GRM1: variants seen among roughly 807,000 people sequenced by gnomAD.
GRM1 encodes the protein metabotropic glutamate receptor 1.
A neutral mutation model predicts 90.9 loss-of-function variants in GRM1; 33 were observed. The observed-to-expected ratio is 0.36, with a 90% CI of 0.28 to 0.49. GRM1 has a LOEUF of 0.49. GRM1 is among the 20% of genes least tolerant of loss of function. The probability of loss-of-function intolerance (pLI) is 0.99; values close to 1 mark genes in which losing one functional copy is unlikely to be tolerated. For synonymous variants in GRM1, 700 were observed against 613.2 expected (o/e 1.14, Z -2.09); for missense variants, 1,190 against 1,534.3 (o/e 0.78, Z 3.75).
chr6:146,178,450 G>A (rs902066710), intron 2 of GRM1, among the ~76,000 whole-genome samples: 21 of 152,074 alleles, frequency 1.4e-4, no homozygotes, highest in African/African-American at 4.3e-4. Context: ...AAATATCTTG[G>A]GGATGGGACC....
intron 1 of GRM1, among the ~76,000 whole-genome samples, chr6:146,123,611 A>G (rs1776086862): frequency 6.6e-6 from 1 of 152,196 alleles, no homozygotes; most frequent in South Asian, 2.1e-4. Flanking sequence ...GCAGCTCACC[A>G]TCCAATACCC....
chr6:146,148,438 T>C (rs1178134847), intron 1 of GRM1, among the ~76,000 whole-genome samples: 1 of 152,166 alleles, frequency 6.6e-6, no homozygotes, highest in African/African-American at 2.4e-5. Flanking sequence ...TTTTAAACCA[T>C]GCTGACATTT....
chr6:146,413,120 A>C (rs1377696575), intron 7 of GRM1, among the ~76,000 whole-genome samples: 2 of 152,138 alleles, frequency 1.3e-5, no homozygotes, highest in Non-Finnish European at 2.9e-5. Context: ...TTTTGTCTAC[A>C]ATCTTTATCT....
intron 2 of GRM1, among the ~76,000 whole-genome samples, chr6:146,250,130 A>G (rs1319819623): frequency 6.6e-6 from 1 of 152,128 alleles, no homozygotes; most frequent in Non-Finnish European, 1.5e-5. Context: ...GCATAGGTGG[A>G]AGGGGCCTTG....
In GRM1 at chr6:146,227,340, T is replaced by A. The variant is rs1337517434; in HGVS notation, c.950+67743T>A. ...TACATTGACACATCATCACCTTAAG[T>A]CTGTAATTTACATTAGGGTTCACTC... On this transcript the variant is annotated intron_variant, in intron 2 of 7. Transcript: ENST00000282753. Among the ~76,000 whole-genome samples the A allele has an allele frequency of 4.6e-5, 7 of 152,242 alleles. No homozygotes were observed. The East Asian group carries it at 1.4e-3, about 29-fold the overall frequency.
At chr6:146,114,750 A>G (rs752791194) in intron 1 of GRM1, among the ~76,000 whole-genome samples, 1 of 152,166 alleles carries the variant, frequency 6.6e-6, no homozygotes, top group Non-Finnish European at 1.5e-5. Context: ...TGATGGGGTT[A>G]TTCATTTATT....
At chr6:146,184,478 G>A (rs1778652464) in intron 2 of GRM1, among the ~76,000 whole-genome samples, 1 of 151,834 alleles carries the variant, frequency 6.6e-6, no homozygotes, top group Non-Finnish European at 1.5e-5. Context: ...TGGGCCTCAT[G>A]GACTGCTGTG....
intron 3 of GRM1, among the ~76,000 whole-genome samples, chr6:146,343,658 TTTA>T (rs58070198): frequency 2.7e-4 from 40 of 148,426 alleles, no homozygotes; most frequent in East Asian, 7.8e-4. Context: ...GTTGTTTTTA[TTTA>T]TTATTATTAT....
chr6:146,152,758 G>A (rs563289742), intron 1 of GRM1, among the ~76,000 whole-genome samples: 1 of 152,316 alleles, frequency 6.6e-6, no homozygotes, highest in Middle Eastern at 3.4e-3. Context: ...TTAAAGGGCA[G>A]AGCACAGGGA....
At chr6:146,229,425 G>A (rs1476744521) in intron 2 of GRM1, among the ~76,000 whole-genome samples, 2 of 149,558 alleles carry the variant, frequency 1.3e-5, no homozygotes, top group Non-Finnish European at 1.5e-5. Flanking sequence ...CATAGGGACC[G>A]GAAGGAGCCT....
chr6:146,045,749 CAAAAAAAAAA>C (rs58055832), intron 1 of GRM1, among the ~76,000 whole-genome samples: 18 of 87,406 alleles, frequency 2.1e-4, no homozygotes, highest in East Asian at 1.5e-3. Flanking sequence ...TGGAATACAG[CAAAAAAAAAA>C]AAAAAAAAAA....
intron 3 of GRM1, among the ~76,000 whole-genome samples, chr6:146,309,603 C>T (rs979026144): frequency 1.3e-5 from 2 of 151,780 alleles, no homozygotes; most frequent in South Asian, 2.1e-4. Context: ...TTATAACCAC[C>T]ATTTTAAAAG....
intron 3 of GRM1, among the ~76,000 whole-genome samples, chr6:146,346,407 A>G (rs774783468): frequency 6.6e-6 from 1 of 152,240 alleles, no homozygotes; most frequent in Non-Finnish European, 1.5e-5. Flanking sequence ...TCTATCCTAC[A>G]TAGCAGTTAA....
chr6:146,397,495 A>AAAAAAAAAAAAAAAAAAAC (rs1777006339), intron 6 of GRM1, among the ~76,000 whole-genome samples: 1 of 150,914 alleles, frequency 6.6e-6, no homozygotes. Flanking sequence ...AAAAAAAAAA[A>AAAAAAAAAAAAAAAAAAAC]AAAAAAAAAA....
chr6:146,401,196 A>G (rs1777146218), intron 7 of GRM1, among the ~76,000 whole-genome samples: 1 of 152,176 alleles, frequency 6.6e-6, no homozygotes, highest in African/African-American at 2.4e-5. Flanking sequence ...TATGGATTTC[A>G]AGTAAAGACA....
At chr6:146,385,215 A>G (rs1380480123) in intron 5 of GRM1, among the ~76,000 whole-genome samples, 1 of 152,066 alleles carries the variant, frequency 6.6e-6, no homozygotes, top group African/African-American at 2.4e-5. Context: ...ACCAGTGATA[A>G]AAAATTAATA....
intron 1 of GRM1, among the ~76,000 whole-genome samples, chr6:146,079,999 GT>G (rs1378779028): frequency 1.3e-5 from 2 of 152,160 alleles, no homozygotes; most frequent in Admixed American, 6.6e-5. Context: ...TTCACTATAG[GT>G]TTGCCCCAGT....
At chr6:146,166,643 T>G (rs1777916804) in intron 2 of GRM1, among the ~76,000 whole-genome samples, 1 of 152,130 alleles carries the variant, frequency 6.6e-6, no homozygotes, top group Non-Finnish European at 1.5e-5. Context: ...TGTTCCAGTT[T>G]TCTGACTAAT....
chr6:146,416,631 T>G (rs1777795991), intron 7 of GRM1, among the ~76,000 whole-genome samples: 1 of 152,172 alleles, frequency 6.6e-6, no homozygotes, highest in South Asian at 2.1e-4. Flanking sequence ...TCCCCATATG[T>G]TTCTCCTTTA....
Sources: allele counts gnomAD v4.1 joint callset (sites outside exome capture counted in the v4.1 genomes callset), GRCh38; gene constraint gnomAD v4.1.1; transcripts MANE v1.5; gene names NCBI Gene and HGNC (gene_info 2026-07-23, HGNC 2026-07-21).